LYST: variants seen among roughly 807,000 people sequenced by gnomAD.
LYST encodes lysosomal-trafficking regulator.
In LYST, 192 loss-of-function variants were observed where a neutral mutation model predicts 413.6. The observed-to-expected ratio is 0.46, with a 90% CI of 0.41 to 0.52. The LOEUF (loss-of-function observed/expected upper bound fraction) is 0.52, where lower values mean the gene tolerates loss of function less well. Among genes scored for constraint, LYST ranks in the 20% least tolerant of loss-of-function variants. The pLI is 0.00. For missense variants in LYST, 3,815 were observed against 4,499.9 expected (o/e 0.85, Z 4.35); for synonymous variants, 1,525 against 1,567.3 (o/e 0.97, Z 0.64).
At position 235,827,163 on chromosome 1, in the gene LYST, A is replaced by G. The variant is rs551429941; in HGVS notation, c.192+3063T>C. Among the ~76,000 whole-genome samples, 47 of 151,154 alleles carry G rather than the reference A, an allele frequency of 3.1e-4. 1 individual carries two copies. In the South Asian group the frequency reaches 5.7e-3, roughly 18 times the overall value. On this transcript the variant is annotated intron_variant, in intron 3 of 52. Coordinates refer to ENST00000389793, the MANE Select transcript of LYST (RefSeq NM_000081.4). ...CAGATCACTTGGGGCCAGAAGTTTGAGACCAGCCTGGCCAACATGGCAAAA... is the reference window on the plus strand; with the variant it reads ...CAGATCACTTGGGGCCAGAAGTTTGGGACCAGCCTGGCCAACATGGCAAAA...
chr1:235,791,430 A>G, intron 12 of LYST: 1 of 427,822 alleles, frequency 2.3e-6, no homozygotes, highest in Non-Finnish European at 4.3e-6. Flanking sequence ...AAGTCACATA[A>G]GGAACTTTAG....
chr1:235,786,058 C>T (rs1403454699), intron 14 of LYST, among the ~76,000 whole-genome samples: 2 of 152,132 alleles, frequency 1.3e-5, no homozygotes, highest in Non-Finnish European at 2.9e-5. Context: ...AGGTATTAGC[C>T]TTATTAGCCA....
At chr1:235,793,459 A>G (rs1480544599) in intron 11 of LYST, 44 bp downstream of exon 11, 1 of 902,166 alleles carries the variant, frequency 1.1e-6, no homozygotes, top group Non-Finnish European at 1.8e-6. Context: ...ATTGTAAGTG[A>G]AAGAATTTAT....
In LYST at chr1:235,724,120, CTTCT is replaced by C. The variant is rs1394834891; in HGVS notation, c.9219_9222del (p.Glu3074PhefsTer8). 6.2e-7 allele frequency: 1 copy of C among 1,613,590 alleles called. No homozygotes were observed. The highest frequency in any genetic ancestry group is 8.5e-7 in the Non-Finnish European group (1 of 1,179,680). On this transcript the variant is annotated frameshift_variant, in exon 39 of 53. Coordinates refer to ENST00000389793, the MANE Select transcript of LYST (RefSeq NM_000081.4). LOFTEE classifies it high-confidence loss of function. ...CTCAATTGCCACCAACGCTTGTGAA[CTTCT>C]TTAATTTCTTCATATGTCCAGGAAA...
At chr1:235,755,388 C>CAAAACAAAAG in intron 25 of LYST, 90 bp downstream of exon 25, 2 of 866,432 alleles carry the variant, frequency 2.3e-6, no homozygotes, top group Non-Finnish European at 3.7e-6. Flanking sequence ...GACTCCGTCT[C>CAAAACAAAAG]AAAAGAAAAG....
chr1:235,790,435 T>C (rs970718361), intron 12 of LYST, among the ~76,000 whole-genome samples: 1 of 152,146 alleles, frequency 6.6e-6, no homozygotes, highest in African/African-American at 2.4e-5. Flanking sequence ...AAGTGACACA[T>C]ACACAGAAAG....
At chr1:235,736,211 T>C (rs1664805428) in intron 31 of LYST, 1 of 152,100 alleles carries the variant, frequency 6.6e-6, no homozygotes, top group African/African-American at 2.4e-5. Flanking sequence ...ACTCTTATTT[T>C]CAGCCCTTAA....
intron 50 of LYST, among the ~76,000 whole-genome samples, chr1:235,665,408 G>C (rs1292367054): frequency 6.6e-6 from 1 of 151,760 alleles, no homozygotes; most frequent in African/African-American, 2.4e-5. Flanking sequence ...TCAGGAGTTC[G>C]AGACCAGCCT....
At chr1:235,845,569 T>G (rs1236167778) in intron 1 of LYST, among the ~76,000 whole-genome samples, 1 of 152,144 alleles carries the variant, frequency 6.6e-6, no homozygotes, top group Admixed American at 6.5e-5. Flanking sequence ...CTTTCGTAGC[T>G]GAGAGGTGGA....
chr1:235,786,082 A>C (rs1208122832), intron 14 of LYST, among the ~76,000 whole-genome samples: 1 of 152,212 alleles, frequency 6.6e-6, no homozygotes, highest in Non-Finnish European at 1.5e-5. Context: ...AATTTAAATA[A>C]TTATCACGGC....
In LYST at chr1:235,833,577, C is replaced by A; in HGVS notation, c.-8+1G>T. 1.3e-6 allele frequency: 1 copy of A among 762,500 alleles called. No individual in the cohort carries two copies. Among genetic ancestry groups the A allele is most frequent in the South Asian group, 6.0e-5 (1 of 16,750 alleles). 47.2% of individuals were successfully genotyped at this position (762,500 alleles called of 1,614,324 possible). On this transcript the variant is annotated splice_donor_variant, in intron 2 of 52. Coordinates refer to ENST00000389793, the MANE Select transcript of LYST (RefSeq NM_000081.4). LOFTEE classifies it low-confidence loss of function (5UTR_SPLICE). ...TAATATTTATTACATTATATACTTACCAGTCTTTCACCACTGCTGTGACAT... is the reference window on the plus strand; with the variant it reads ...TAATATTTATTACATTATATACTTAACAGTCTTTCACCACTGCTGTGACAT...
Position 235,734,671 on chromosome 1 carries a change from GTAATAATTT to G in LYST, c.8359-21_8359-13del, listed in dbSNP as rs1297125470. 3.8e-6 allele frequency: 6 copies of G among 1,577,558 alleles called. No individual in the cohort carries two copies. In the Admixed American group the frequency reaches 1.0e-4, roughly 27 times the overall value. On this transcript the variant is annotated splice_polypyrimidine_tract_variant and intron_variant, in intron 31 of 52. Transcript: ENST00000389793. ...AACTTGGCTCCATGCTTTAAAAAAA[GTAATAATTT>G]TTTAGTCATTTAGAATTTTAATTCT...
chr1:235,692,341 C>T (rs1377282212), intron 47 of LYST, among the ~76,000 whole-genome samples: 1 of 150,574 alleles, frequency 6.6e-6, no homozygotes. Flanking sequence ...TCATAACAAA[C>T]CAACCAACCA....
upstream of LYST, among the ~76,000 whole-genome samples, chr1:235,870,458 GTCCATAAATC>G (rs1189692697): frequency 1.3e-5 from 2 of 152,304 alleles, no homozygotes; most frequent in Admixed American, 1.3e-4. Context: ...TCCTTTTGCT[GTCCATAAATC>G]TCCCACCGTG....
At chr1:235,698,946 T>C (rs551320004) in intron 45 of LYST, among the ~76,000 whole-genome samples, 1 of 152,278 alleles carries the variant, frequency 6.6e-6, no homozygotes, top group Admixed American at 6.5e-5. Flanking sequence ...ATTTTAGTTA[T>C]AATTTATCAT....
At chr1:235,777,889 A>G (rs573113094) in intron 16 of LYST, among the ~76,000 whole-genome samples, 1 of 152,038 alleles carries the variant, frequency 6.6e-6, no homozygotes, top group African/African-American at 2.4e-5. Flanking sequence ...GATTCTCTAA[A>G]CTATTTTAAA....
At chr1:235,833,695 A>G (rs563076411) in intron 1 of LYST, 28 bp from the exon 2 acceptor site, 1 of 466,534 alleles carries the variant, frequency 2.1e-6, no homozygotes, top group Non-Finnish European at 2.8e-6. Context: ...TATTAATCAC[A>G]ATAGTAAACC....
intron 52 of LYST, 59 bp downstream of exon 52, chr1:235,663,925 C>T (rs1445645582): frequency 5.1e-6 from 7 of 1,379,196 alleles, no homozygotes; most frequent in Non-Finnish European, 6.2e-6. Context: ...AAATACCTCT[C>T]TACGAAAAAT....
intron 48 of LYST, among the ~76,000 whole-genome samples, chr1:235,685,571 G>A (rs1337320128): frequency 6.6e-6 from 1 of 152,134 alleles, no homozygotes; most frequent in Non-Finnish European, 1.5e-5. Flanking sequence ...ACCTGGCTGG[G>A]CACAGTGGCT....
Sources: gnomAD v4.1 joint callset for allele counts (sites outside exome capture counted in the v4.1 genomes callset) on GRCh38, gnomAD v4.1.1 for gene constraint, MANE v1.5 for transcripts, NCBI Gene and HGNC (gene_info 2026-07-23, HGNC 2026-07-21) for gene names.